The following LNP1 variants were observed in gnomAD, a reference collection of about 807,000 sequenced individuals.
LNP1 encodes leukemia NUP98 fusion partner 1.
LNP1 carries 12 observed loss-of-function variants against 14.5 expected under a neutral mutation model. The ratio of observed to expected loss-of-function variants is 0.83; its 90% CI spans 0.53 to 1.34. LNP1 has a LOEUF of 1.34. LNP1 is among the 40% of genes most tolerant of loss of function. The pLI, the probability that LNP1 is intolerant of heterozygous loss-of-function variation, is 0.00. For missense variants in LNP1, 198 were observed against 210.9 expected (o/e 0.94, Z 0.38); for synonymous variants, 75 against 71.4 (o/e 1.05, Z -0.26).
At chr3:100,428,958 T>C (rs1271039262) in intron 1 of LNP1, among the ~76,000 whole-genome samples, 1 of 152,066 alleles carries the variant, frequency 6.6e-6, no homozygotes, top group East Asian at 1.9e-4. Context: ...GAAGGGAGTA[T>C]GGATTGGAAG....
At chr3:100,422,803 CTTTTTT>C (rs557593118) in intron 1 of LNP1, among the ~76,000 whole-genome samples, 1 of 69,052 alleles carries the variant, frequency 1.4e-5, no homozygotes, top group Non-Finnish European at 2.8e-5. Flanking sequence ...TTTGTCTCCT[CTTTTTT>C]TTTTTTTTTT....
At position 100,429,680 on chromosome 3, in the gene LNP1, C is replaced by A. The variant is rs1296123605; in HGVS notation, c.-33-17C>A. Reference sequence around the variant, plus strand: ...TTGTCAGCCCTGTTGGGTGATATTTCCCTCTGTCGCATTTAGGGACAGGCC... The same window carrying A: ...TTGTCAGCCCTGTTGGGTGATATTTACCTCTGTCGCATTTAGGGACAGGCC... On this transcript the variant is annotated splice_polypyrimidine_tract_variant and intron_variant, in intron 1 of 3. Coordinates refer to ENST00000383693, the MANE Select transcript of LNP1 (RefSeq NM_001085451.2). 2 of 1,534,908 alleles carry A rather than the reference C, an allele frequency of 1.3e-6. No homozygotes were observed. Among genetic ancestry groups the A allele is most frequent in the Non-Finnish European group, 1.8e-6 (2 of 1,120,048 alleles).
chr3:100,418,655 T>G (rs1422681903), intron 1 of LNP1, among the ~76,000 whole-genome samples: 6 of 152,222 alleles, frequency 3.9e-5, no homozygotes, highest in African/African-American at 1.4e-4. Context: ...GCTTGCTTTC[T>G]AAGATGTGCT....
intron 1 of LNP1, among the ~76,000 whole-genome samples, chr3:100,421,019 C>T (rs1707139343): frequency 2.0e-5 from 3 of 151,900 alleles, no homozygotes; most frequent in Middle Eastern, 6.8e-3. Flanking sequence ...TGCTCTGTTT[C>T]CCAGGCTGGA....
chr3:100,455,293 C>G (rs112498128), intron 3 of LNP1, among the ~76,000 whole-genome samples: 3 of 152,116 alleles, frequency 2.0e-5, no homozygotes, highest in Non-Finnish European at 2.9e-5. Flanking sequence ...GGACACATGT[C>G]GGGGGGTGTT....
At chr3:100,407,127 C>T (rs765415621) in intron 1 of LNP1, among the ~76,000 whole-genome samples, 15 of 152,194 alleles carry the variant, frequency 9.9e-5, no homozygotes, top group Non-Finnish European at 1.5e-4. Flanking sequence ...TTAAATGCTA[C>T]CATTACAGTA....
intron 1 of LNP1, among the ~76,000 whole-genome samples, chr3:100,414,135 A>T (rs1359025478): frequency 1.3e-5 from 2 of 152,216 alleles, no homozygotes; most frequent in South Asian, 2.1e-4. Context: ...ATTACATATC[A>T]TAATTTTGTT....
chr3:100,455,948 C>T lies in LNP1; in HGVS notation c.*22C>T, dbSNP rs752599310. The stretch of plus-strand genomic sequence containing the variant: ...ATAATACTCTGCTTCTGCCTCATGA[C>T]ATCAGATGCTACTGTTTTGGTTTTT... On this transcript the variant is annotated 3_prime_UTR_variant, in exon 4 of 4. Transcript: ENST00000383693. The T allele has an allele frequency of 3.8e-6, 6 of 1,589,568 alleles. No homozygotes were observed. Among genetic ancestry groups the T allele is most frequent in the African/African-American group, 1.4e-5 (1 of 73,306 alleles).
intron 1 of LNP1, among the ~76,000 whole-genome samples, chr3:100,419,933 T>G (rs2148901204): frequency 6.6e-6 from 1 of 152,322 alleles, no homozygotes; most frequent in South Asian, 2.1e-4. Flanking sequence ...ATTTTTTGTT[T>G]TAGAAGAAAC....
intron 2 of LNP1, among the ~76,000 whole-genome samples, chr3:100,450,355 C>T (rs560119981): frequency 3.5e-4 from 49 of 140,406 alleles, no homozygotes; most frequent in Middle Eastern, 3.7e-3. Flanking sequence ...TTTTTTGAGA[C>T]GAAGTTTCAC....
intron 1 of LNP1, among the ~76,000 whole-genome samples, chr3:100,422,115 T>C (rs948689528): frequency 3.3e-5 from 5 of 152,102 alleles, no homozygotes; most frequent in African/African-American, 9.7e-5. Flanking sequence ...TTCTGTGACA[T>C]TGCAGTTAAT....
At chr3:100,419,206 G>C (rs538881328) in intron 1 of LNP1, among the ~76,000 whole-genome samples, 9 of 152,140 alleles carry the variant, frequency 5.9e-5, no homozygotes, top group African/African-American at 2.2e-4. Context: ...TGCTGTCATC[G>C]TTGCTTTCTT....
chr3:100,405,255 G>A lies in LNP1; in HGVS notation c.-34+2816G>A, dbSNP rs185086645. Among the ~76,000 whole-genome samples, 304 of 152,216 alleles carry A rather than the reference G, an allele frequency of 2.0e-3. 1 individual carries two copies. Among genetic ancestry groups the A allele is most frequent in the African/African-American group, 7.0e-3 (289 of 41,530 alleles). ...CACACATAAACACAAAATCAGCTGTGAAGTCTTCAACAAATTCAACTTTGT... is the reference window on the plus strand; with the variant it reads ...CACACATAAACACAAAATCAGCTGTAAAGTCTTCAACAAATTCAACTTTGT... On this transcript the variant is annotated intron_variant, in intron 1 of 3. Transcript: ENST00000383693.
intron 1 of LNP1, among the ~76,000 whole-genome samples, chr3:100,419,609 A>T (rs753570464): frequency 2.0e-5 from 3 of 152,120 alleles, no homozygotes; most frequent in Non-Finnish European, 4.4e-5. Context: ...GCTTCCTCAA[A>T]CTAAACTCTG....
At chr3:100,441,441 C>A (rs1707343237) in intron 2 of LNP1, among the ~76,000 whole-genome samples, 1 of 151,964 alleles carries the variant, frequency 6.6e-6, no homozygotes, top group African/African-American at 2.4e-5. Flanking sequence ...TGTCCTTTGC[C>A]CATTTTCCAG....
intron 1 of LNP1, among the ~76,000 whole-genome samples, chr3:100,419,647 T>C (rs950946533): frequency 1.3e-5 from 2 of 152,160 alleles, no homozygotes; most frequent in African/African-American, 4.8e-5. Context: ...CTCTAACCCA[T>C]AGGAACTGCT....
chr3:100,414,275 G>T (rs1024690430), intron 1 of LNP1, among the ~76,000 whole-genome samples: 1 of 152,146 alleles, frequency 6.6e-6, no homozygotes, highest in Non-Finnish European at 1.5e-5. Flanking sequence ...GGTCAGGTGC[G>T]GTGGCTCATG....
At position 100,455,772 on chromosome 3, in the gene LNP1, T is replaced by C. The variant is rs1707504437; in HGVS notation, c.388-5T>C. Reference sequence around the variant, plus strand: ...TTTTACCTGTTTCTGATCTTTCCCTTTCAGGGACCTGAAAGCAGAAAGGAG... The same window carrying C: ...TTTTACCTGTTTCTGATCTTTCCCTCTCAGGGACCTGAAAGCAGAAAGGAG... On this transcript the variant is annotated splice_polypyrimidine_tract_variant and splice_region_variant and intron_variant, in intron 3 of 3. Transcript: ENST00000383693. 2.5e-6 allele frequency: 4 copies of C among 1,613,680 alleles called. No homozygotes were observed. The highest frequency in any genetic ancestry group is 2.5e-6 in the Non-Finnish European group (3 of 1,179,826).
chr3:100,417,371 CTTT>C (rs562000656), intron 1 of LNP1, among the ~76,000 whole-genome samples: 3 of 64,624 alleles, frequency 4.6e-5, no homozygotes, highest in African/African-American at 1.1e-4. Flanking sequence ...TTTCTTTTTT[CTTT>C]TTTTTTTTTT....
Sources: allele counts gnomAD v4.1 joint callset (sites outside exome capture counted in the v4.1 genomes callset), GRCh38; gene constraint gnomAD v4.1.1; transcripts MANE v1.5; gene names NCBI Gene and HGNC (gene_info 2026-07-23, HGNC 2026-07-21).